The following YWHAE variants were observed in gnomAD, a reference collection of about 807,000 sequenced individuals.
YWHAE encodes the protein tyrosine 3-monooxygenase/tryptophan 5-monooxygenase activation protein epsilon, also known as 14-3-3 protein epsilon.
YWHAE carries 4 observed loss-of-function variants against 30.1 expected under a neutral mutation model. That is an observed-to-expected ratio of 0.13 (90% CI 0.07 to 0.30). YWHAE has a LOEUF of 0.30. Among genes scored for constraint, YWHAE ranks in the 10% least tolerant of loss-of-function variants. The pLI, the probability that YWHAE is intolerant of heterozygous loss-of-function variation, is 1.00. For synonymous variants in YWHAE, 118 were observed against 111.8 expected (o/e 1.06, Z -0.35); for missense variants, 121 against 315.9 (o/e 0.38, Z 4.68).
intron 1 of YWHAE, chr17:1,399,708 G>A (rs1038778942): frequency 4.1e-6 from 2 of 488,516 alleles, no homozygotes; most frequent in African/African-American, 3.9e-5. Flanking sequence ...CTCCCATGAG[G>A]GTGGCTCGTT....
chr17:1,394,849 C>T (rs1024974919), intron 1 of YWHAE, among the ~76,000 whole-genome samples: 1 of 151,732 alleles, frequency 6.6e-6, no homozygotes, highest in Non-Finnish European at 1.5e-5. Context: ...CGCCTGTAGT[C>T]CCAGCTACTC....
At chr17:1,366,331 C>T (rs2072941305) in intron 1 of YWHAE, among the ~76,000 whole-genome samples, 1 of 151,352 alleles carries the variant, frequency 6.6e-6, no homozygotes, top group South Asian at 2.1e-4. Context: ...TTTGAGGTCA[C>T]GAATTCAAGG....
At chr17:1,397,376 A>G (rs915164951) in intron 1 of YWHAE, among the ~76,000 whole-genome samples, 2 of 152,166 alleles carry the variant, frequency 1.3e-5, no homozygotes, top group Non-Finnish European at 2.9e-5. Flanking sequence ...CCCAGCCCCA[A>G]ACTTAAATAT....
chr17:1,344,993 A>C lies in YWHAE; in HGVS notation c.*454T>G, dbSNP rs567762458. The C allele has an allele frequency of 1.3e-5, 3 of 236,394 alleles. No individual in the cohort carries two copies. Among genetic ancestry groups the C allele is most frequent in the East Asian group, 1.2e-4 (2 of 16,580 alleles). The allele number at this position is 236,394 out of a possible 1,614,324, so 14.6% of individuals were successfully genotyped here. On this transcript the variant is annotated 3_prime_UTR_variant, in exon 6 of 6. Transcript: ENST00000264335. ...CTCAAGCTAACACCCAATTACTTGCAAACACTGGTATAAAACACAGTTTAA... is the reference window on the plus strand; with the variant it reads ...CTCAAGCTAACACCCAATTACTTGCCAACACTGGTATAAAACACAGTTTAA...
At chr17:1,396,959 T>C (rs2073481964) in intron 1 of YWHAE, among the ~76,000 whole-genome samples, 1 of 150,378 alleles carries the variant, frequency 6.6e-6, no homozygotes, top group African/African-American at 2.5e-5. Flanking sequence ...TCTCGCTCTG[T>C]TGCCCAGGCT....
At chr17:1,377,403 A>C (rs1420092473) in intron 1 of YWHAE, among the ~76,000 whole-genome samples, 2 of 152,206 alleles carry the variant, frequency 1.3e-5, no homozygotes, top group African/African-American at 4.8e-5. Context: ...CAGTAAAAGC[A>C]ATCACACCAA....
intron 1 of YWHAE, among the ~76,000 whole-genome samples, chr17:1,373,865 C>T (rs1324608403): frequency 6.6e-6 from 1 of 152,066 alleles, no homozygotes; most frequent in Non-Finnish European, 1.5e-5. Context: ...CAGAGCCATA[C>T]AGTATGGAGC....
chr17:1,400,004 G>C lies in YWHAE; in HGVS notation c.64+43C>G, dbSNP rs115461298. The C allele has an allele frequency of 2.5e-3, 4,006 of 1,611,156 alleles. 81 individuals carry two copies. In the African/African-American group the frequency reaches 0.045, roughly 18 times the overall value. ...TTCCCGGCCTCTGTGGGCGGCGGCA[G>C]AGGGTCCGAGAATTCCAGCCCCCCG... On this transcript the variant is annotated intron_variant, in intron 1 of 5. Transcript: ENST00000264335.
intron 1 of YWHAE, among the ~76,000 whole-genome samples, chr17:1,389,571 C>T (rs999780156): frequency 6.7e-6 from 1 of 150,096 alleles, no homozygotes; most frequent in African/African-American, 2.5e-5. Context: ...CGCTCTGTTG[C>T]CCAGGCTGGA....
intron 5 of YWHAE, among the ~76,000 whole-genome samples, chr17:1,349,057 A>C (rs1483438408): frequency 6.9e-6 from 1 of 144,594 alleles, no homozygotes; most frequent in African/African-American, 2.6e-5. Flanking sequence ...AAGATGTAAT[A>C]CTAGGCCAGG....
At chr17:1,386,949 G>A (rs1245456242) in intron 1 of YWHAE, among the ~76,000 whole-genome samples, 12 of 120,040 alleles carry the variant, frequency 1.0e-4, no homozygotes, top group East Asian at 4.3e-4. Flanking sequence ...GTGAGACTCC[G>A]TCTCAAAAGG....
chr17:1,375,791 C>G (rs1012158948), intron 1 of YWHAE, among the ~76,000 whole-genome samples: 1 of 152,210 alleles, frequency 6.6e-6, no homozygotes, highest in African/African-American at 2.4e-5. Context: ...AGTAGAGTCA[C>G]AAGTTTTTCC....
At chr17:1,377,008 T>C (rs942730935) in intron 1 of YWHAE, among the ~76,000 whole-genome samples, 1 of 151,286 alleles carries the variant, frequency 6.6e-6, no homozygotes, top group Admixed American at 6.7e-5. Context: ...CCATCTCCCA[T>C]GTTCAAGTGA....
At chr17:1,387,715 C>T (rs2073319996) in intron 1 of YWHAE, among the ~76,000 whole-genome samples, 1 of 151,916 alleles carries the variant, frequency 6.6e-6, no homozygotes. Context: ...TTCTACCTCC[C>T]GAGTTCAAGC....
chr17:1,369,443 G>A (rs1049925708), intron 1 of YWHAE, among the ~76,000 whole-genome samples: 1 of 152,150 alleles, frequency 6.6e-6, no homozygotes, highest in Non-Finnish European at 1.5e-5. Flanking sequence ...GCAGTGACCC[G>A]AGATGGCTCC....
Position 1,361,928 on chromosome 17 carries a change from G to C in YWHAE, c.345C>G (p.Gly115=). The C allele has an allele frequency of 1.2e-6, 2 of 1,602,036 alleles. No individual in the cohort carries two copies. The highest frequency in any genetic ancestry group is 1.7e-6 in the Non-Finnish European group (2 of 1,176,304). ...TTTTATAATAGAAAACCTTGGACTC[G>C]CCAGTGTTAGCTGCTGGAATGAGGT... ...DKHLIPAANT[G]ESKVFYYKMK... The change falls in exon 3 of 6, where the codon GGC becomes GGG. Residue 115 remains glycine, a synonymous_variant. Coordinates refer to ENST00000264335, the MANE Select transcript of YWHAE (RefSeq NM_006761.5).
intron 1 of YWHAE, among the ~76,000 whole-genome samples, chr17:1,383,918 G>A (rs936656062): frequency 2.9e-4 from 44 of 151,806 alleles, no homozygotes; most frequent in Admixed American, 1.3e-4. Context: ...AAAATTAGCC[G>A]AAGAGGGCTG....
At chr17:1,345,545 A>G (rs2072502374) in intron 5 of YWHAE, 46 bp from the exon 6 acceptor site, 2 of 1,584,370 alleles carry the variant, frequency 1.3e-6, no homozygotes, top group East Asian at 2.2e-5. Flanking sequence ...TGACTACATT[A>G]GGCTATGGCA....
Position 1,368,061 on chromosome 17 carries a change from G to A in YWHAE, c.65-3003C>T, listed in dbSNP as rs539601936. Among the ~76,000 whole-genome samples, 8 of 151,852 alleles carry A rather than the reference G, an allele frequency of 5.3e-5. 1 individual carries two copies. The South Asian group carries it at 1.7e-3, about 32-fold the overall frequency. On this transcript the variant is annotated intron_variant, in intron 1 of 5. Coordinates refer to ENST00000264335, the MANE Select transcript of YWHAE (RefSeq NM_006761.5). ...AGGTCAGGAGTTCAAGACCAGCCTG[G>A]CCAACATGGTGACACCCCGTCTCTA...
Sources: allele counts gnomAD v4.1 joint callset (sites outside exome capture counted in the v4.1 genomes callset), GRCh38; gene constraint gnomAD v4.1.1; transcripts MANE v1.5; gene names NCBI Gene and HGNC (gene_info 2026-07-23, HGNC 2026-07-21).